Variants in PTPRD observed in about 807,000 individuals in gnomAD.
PTPRD encodes receptor-type tyrosine-protein phosphatase delta.
PTPRD carries 34 observed loss-of-function variants against 214.5 expected under a neutral mutation model. The observed-to-expected ratio is 0.16, with a 90% CI of 0.12 to 0.21. PTPRD has a LOEUF of 0.21. PTPRD is among the 10% of genes least tolerant of loss of function. The pLI, the probability that PTPRD is intolerant of heterozygous loss-of-function variation, is 1.00. For synonymous variants in PTPRD, 1,128 were observed against 845.7 expected (o/e 1.33, Z -5.79); for missense variants, 2,545 against 2,398.7 (o/e 1.06, Z -1.27).
At chr9:8,477,306 C>T (rs2096784936) in intron 30 of PTPRD, among the ~76,000 whole-genome samples, 2 of 151,830 alleles carry the variant, frequency 1.3e-5, no homozygotes, top group South Asian at 2.1e-4. Flanking sequence ...TCTGGAAAGC[C>T]CTTGACTACT....
intron 3 of PTPRD, among the ~76,000 whole-genome samples, chr9:10,327,224 G>A (rs1004815057): frequency 1.4e-4 from 21 of 146,846 alleles, no homozygotes; most frequent in African/African-American, 4.9e-4. Flanking sequence ...TGTAAATCTT[G>A]CAGTTCAGCA....
chr9:8,988,090 G>A (rs1380478781), intron 11 of PTPRD, among the ~76,000 whole-genome samples: 1 of 151,946 alleles, frequency 6.6e-6, no homozygotes, highest in East Asian at 1.9e-4. Flanking sequence ...TGCTTCCCAA[G>A]AATAGTACAG....
intron 3 of PTPRD, among the ~76,000 whole-genome samples, chr9:10,227,886 C>T (rs570628428): frequency 1.3e-5 from 2 of 151,830 alleles, no homozygotes; most frequent in African/African-American, 2.4e-5. Context: ...GCTGAGGACT[C>T]GCAAGACATT....
intron 5 of PTPRD, chr9:9,800,672 A>G (rs1156875061): frequency 6.6e-6 from 1 of 152,230 alleles, no homozygotes; most frequent in African/African-American, 2.4e-5. Flanking sequence ...CTGTCAGCAC[A>G]TGGTAAGTAC....
chr9:8,747,086 T>C (rs568464397), intron 11 of PTPRD, among the ~76,000 whole-genome samples: 16 of 152,204 alleles, frequency 1.1e-4, no homozygotes, highest in Non-Finnish European at 2.1e-4. Flanking sequence ...TCTCTATCTT[T>C]TGTGGTGTAC....
At chr9:9,211,443 T>C (rs2099948540) in intron 9 of PTPRD, among the ~76,000 whole-genome samples, 1 of 151,850 alleles carries the variant, frequency 6.6e-6, no homozygotes. Flanking sequence ...ACTGTATAAA[T>C]ATTAGCTTTC....
chr9:9,891,633 G>T (rs73643812), intron 5 of PTPRD, among the ~76,000 whole-genome samples: 26,249 of 151,984 alleles, frequency 0.17, 2,899 homozygotes, highest in African/African-American at 0.32. Flanking sequence ...GATGGTTATT[G>T]AGAGTAACAG....
At chr9:8,819,966 G>A (rs1049989788) in intron 11 of PTPRD, among the ~76,000 whole-genome samples, 1 of 152,024 alleles carries the variant, frequency 6.6e-6, no homozygotes, top group Non-Finnish European at 1.5e-5. Context: ...ATTGAGTTGA[G>A]TGCCCTTGTT....
intron 10 of PTPRD, among the ~76,000 whole-genome samples, chr9:9,177,523 T>C (rs1399622132): frequency 2.0e-5 from 3 of 152,274 alleles, no homozygotes; most frequent in Middle Eastern, 3.4e-3. Context: ...TATTAGAGCA[T>C]AACTATCTTA....
chr9:9,294,407 C>A (rs1211182417), intron 9 of PTPRD, among the ~76,000 whole-genome samples: 1 of 151,620 alleles, frequency 6.6e-6, no homozygotes. Context: ...TTATGTGGCT[C>A]CTTGTTATGG....
At chr9:9,764,785 C>T (rs974090220) in intron 6 of PTPRD, among the ~76,000 whole-genome samples, 1 of 152,096 alleles carries the variant, frequency 6.6e-6, no homozygotes, top group African/African-American at 2.4e-5. Flanking sequence ...ACTTCAAACC[C>T]AGGAAGGTCC....
At chr9:9,070,216 G>A (rs1323921426) in intron 10 of PTPRD, among the ~76,000 whole-genome samples, 5 of 152,176 alleles carry the variant, frequency 3.3e-5, no homozygotes, top group Non-Finnish European at 5.9e-5. Context: ...AGAGGTTGGA[G>A]AAGGAATTTA....
intron 11 of PTPRD, among the ~76,000 whole-genome samples, chr9:8,788,778 C>G (rs373537704): frequency 6.6e-6 from 1 of 152,046 alleles, no homozygotes; most frequent in African/African-American, 2.4e-5. Flanking sequence ...AACCCACTTC[C>G]GAAGAACAGA....
At chr9:9,510,822 A>G (rs2096686167) in intron 8 of PTPRD, among the ~76,000 whole-genome samples, 2 of 151,722 alleles carry the variant, frequency 1.3e-5, no homozygotes, top group African/African-American at 4.8e-5. Context: ...TTGGAAAACA[A>G]CCTTAAATGC....
chr9:9,035,869 G>C (rs2099620125), intron 10 of PTPRD, among the ~76,000 whole-genome samples: 1 of 152,020 alleles, frequency 6.6e-6, no homozygotes, highest in Admixed American at 6.6e-5. Flanking sequence ...CATTTGTGGA[G>C]AGAATTTCTG....
At chr9:9,459,922 T>A (rs1295186046) in intron 8 of PTPRD, among the ~76,000 whole-genome samples, 1 of 152,006 alleles carries the variant, frequency 6.6e-6, no homozygotes, top group Non-Finnish European at 1.5e-5. Flanking sequence ...GACAGAGGCA[T>A]CACATTACCT....
intron 3 of PTPRD, among the ~76,000 whole-genome samples, chr9:10,283,970 GGTTT>G (rs1283226876): frequency 6.6e-6 from 1 of 152,050 alleles, no homozygotes; most frequent in Non-Finnish European, 1.5e-5. Flanking sequence ...CTTCTCTCAT[GGTTT>G]GTGAGACCCT....
intron 44 of PTPRD, among the ~76,000 whole-genome samples, chr9:8,330,366 C>A (rs1838911533): frequency 6.6e-6 from 1 of 151,890 alleles, no homozygotes; most frequent in Admixed American, 6.6e-5. Context: ...AATGCTATTG[C>A]ACACTAAATA....
chr9:10,479,828 G>T (rs1435945636), intron 2 of PTPRD, among the ~76,000 whole-genome samples: 1 of 151,822 alleles, frequency 6.6e-6, no homozygotes, highest in African/African-American at 2.4e-5. Flanking sequence ...CTTAGAAAAA[G>T]AACAAACCGC....
Sources: allele counts gnomAD v4.1 joint callset (sites outside exome capture counted in the v4.1 genomes callset), GRCh38; gene constraint gnomAD v4.1.1; transcripts MANE v1.5; gene names NCBI Gene and HGNC (gene_info 2026-07-23, HGNC 2026-07-21).